Variants in MORC1 observed in about 807,000 individuals in gnomAD.
The protein encoded by MORC1 is MORC family CW-type zinc finger 1.
In MORC1, 59 loss-of-function variants were observed where a neutral mutation model predicts 134.9. That is an observed-to-expected ratio of 0.44 (90% CI 0.35 to 0.54). The LOEUF is 0.54. MORC1 is among the 20% of genes least tolerant of loss of function. MORC1 has a pLI of 0.00. For synonymous variants in MORC1, 395 were observed against 391.7 expected, an observed-to-expected ratio of 1.01 and a Z score of -0.10; for missense variants, 947 against 1,134.5, an observed-to-expected ratio of 0.83 and a Z score of 2.37.
At chr3:109,052,894 A>G (rs1949861254) in intron 14 of MORC1, among the ~76,000 whole-genome samples, 1 of 152,206 alleles carries the variant, frequency 6.6e-6, no homozygotes, top group African/African-American at 2.4e-5. Context: ...AATACCCAGA[A>G]TCTATAAGGA....
chr3:109,011,168 T>C (rs1370552745), intron 17 of MORC1, among the ~76,000 whole-genome samples: 1 of 152,192 alleles, frequency 6.6e-6, no homozygotes, highest in African/African-American at 2.4e-5. Flanking sequence ...TGAGCTATAA[T>C]TGTGCCACTG....
At chr3:109,099,572 A>C (rs1576742927) in intron 5 of MORC1, 106 bp from the exon 6 acceptor site, 4 of 812,278 alleles carry the variant, frequency 4.9e-6, no homozygotes, top group Middle Eastern at 3.4e-4. Context: ...TCTTTCCAAC[A>C]CTCTGTTCTG....
chr3:109,077,739 TA>T (rs1167355118), intron 8 of MORC1, among the ~76,000 whole-genome samples: 20 of 151,510 alleles, frequency 1.3e-4, no homozygotes, highest in African/African-American at 4.6e-4. Flanking sequence ...GCAAGGCAAA[TA>T]CAACGTATAA....
At chr3:109,005,694 T>C (rs2107534704) in intron 18 of MORC1, among the ~76,000 whole-genome samples, 1 of 152,316 alleles carries the variant, frequency 6.6e-6, no homozygotes, top group South Asian at 2.1e-4. Context: ...TGCTAGCTGC[T>C]ACTGCAGCCA....
At chr3:109,113,761 A>T (rs948860451) in intron 2 of MORC1, among the ~76,000 whole-genome samples, 1 of 147,324 alleles carries the variant, frequency 6.8e-6, no homozygotes, top group Non-Finnish European at 1.5e-5. Flanking sequence ...AATCATTAAT[A>T]CATTTATTAG....
At chr3:109,003,590 T>C (rs1948463040) in intron 20 of MORC1, among the ~76,000 whole-genome samples, 2 of 151,838 alleles carry the variant, frequency 1.3e-5, no homozygotes, top group African/African-American at 4.8e-5. Flanking sequence ...AGCTAATGAG[T>C]TTTTCTGGAA....
At position 109,015,028 on chromosome 3, in the gene MORC1, G is replaced by A. The variant is rs1948784228; in HGVS notation, c.1705-7937C>T. Reference sequence around the variant, plus strand: ...AGCCTCCCGAGTAGCTGGGGTTACAGGCACCTGCCACCACGCCCAGCTAAT... The same window carrying A: ...AGCCTCCCGAGTAGCTGGGGTTACAAGCACCTGCCACCACGCCCAGCTAAT... On this transcript the variant is annotated intron_variant, in intron 17 of 27. Coordinates refer to ENST00000232603, the MANE Select transcript of MORC1 (RefSeq NM_014429.4). Among the ~76,000 whole-genome samples the A allele has an allele frequency of 2.0e-5, 3 of 152,216 alleles. No homozygotes were observed. The South Asian group carries it at 6.2e-4, about 32-fold the overall frequency.
At chr3:109,096,332 T>C (rs2107769240) in intron 6 of MORC1, among the ~76,000 whole-genome samples, 1 of 152,230 alleles carries the variant, frequency 6.6e-6, no homozygotes, top group Non-Finnish European at 1.5e-5. Context: ...CAGGATGGGA[T>C]AGGAGGTGGG....
intron 10 of MORC1, 70 bp from the exon 11 acceptor site, chr3:109,062,128 A>T: frequency 7.3e-7 from 1 of 1,364,006 alleles, no homozygotes; most frequent in Non-Finnish European, 1.0e-6. Context: ...AGTATTTTCT[A>T]TACATGTAGC....
In MORC1 at chr3:109,035,468, T is replaced by G; in HGVS notation, c.1331A>C (p.Asn444Thr). Residue 444 changes from asparagine to threonine, a missense_variant and splice_region_variant, in exon 15 of 28, where the codon AAT becomes ACT. Physicochemically the swap from Asn to Thr is moderately conservative, Grantham distance 65. Coordinates refer to ENST00000232603, the MANE Select transcript of MORC1 (RefSeq NM_014429.4). ...GCAAAACAATGTTAAATTTCTATTA[T>G]CTTTTAAAAAAAAAAGCAGGCAAAG... ...LVQYCKDTGI[N>T]NRNLTLFCNE... 7.5e-7 allele frequency: 1 copy of G among 1,328,794 alleles called. No individual in the cohort carries two copies. The allele number at this position is 1,328,794 out of a possible 1,614,324, so 82.3% of individuals were successfully genotyped here.
intron 17 of MORC1, among the ~76,000 whole-genome samples, chr3:109,014,299 A>G (rs1430664827): frequency 5.9e-5 from 9 of 152,150 alleles, no homozygotes; most frequent in Non-Finnish European, 1.3e-4. Context: ...TAAACTCCCA[A>G]TTATTTGTTT....
rs750278891 is a variant in MORC1 at position 109,100,410 on chromosome 3, T to A, written c.314+7A>T. 2.5e-6 allele frequency: 4 copies of A among 1,603,702 alleles called. No homozygotes were observed. The highest frequency in any genetic ancestry group is 1.7e-4 in the Middle Eastern group (1 of 6,028). On this transcript the variant is annotated splice_region_variant and intron_variant, in intron 5 of 27. Transcript: ENST00000232603. The stretch of plus-strand genomic sequence containing the variant: ...AATATATGTCTTAAGGGAAAAAAAA[T>A]TCTCACCTTTTAAGACCATTGCCGT...
intron 17 of MORC1, among the ~76,000 whole-genome samples, chr3:109,008,347 G>A (rs1332072192): frequency 6.6e-6 from 1 of 151,912 alleles, no homozygotes; most frequent in Non-Finnish European, 1.5e-5. Flanking sequence ...TCTCCACCAG[G>A]CTTTTTGGTG....
intron 14 of MORC1, among the ~76,000 whole-genome samples, chr3:109,053,228 T>G (rs1010839140): frequency 5.3e-5 from 8 of 152,076 alleles, no homozygotes; most frequent in Admixed American, 5.2e-4. Flanking sequence ...CTTTAAAAAC[T>G]AAGATTTCAA....
At chr3:109,083,408 T>G (rs1445914361) in intron 8 of MORC1, among the ~76,000 whole-genome samples, 1 of 151,828 alleles carries the variant, frequency 6.6e-6, no homozygotes, top group Non-Finnish European at 1.5e-5. Flanking sequence ...AATCTACTCA[T>G]TATGCTAGTA....
At chr3:109,044,577 T>C (rs951246657) in intron 14 of MORC1, among the ~76,000 whole-genome samples, 1 of 147,538 alleles carries the variant, frequency 6.8e-6, no homozygotes. Flanking sequence ...AAGGAAATAC[T>C]GCAATAATTT....
chr3:108,997,128 T>C (rs967485168), intron 21 of MORC1, among the ~76,000 whole-genome samples: 5 of 150,644 alleles, frequency 3.3e-5, no homozygotes, highest in African/African-American at 9.8e-5. Flanking sequence ...ACTTGGAGCA[T>C]GTTAAATGGG....
intron 10 of MORC1, among the ~76,000 whole-genome samples, chr3:109,062,780 C>T (rs1950113006): frequency 6.6e-6 from 1 of 152,024 alleles, no homozygotes; most frequent in African/African-American, 2.4e-5. Flanking sequence ...AATAGAGACA[C>T]AGTCTCGCTA....
intron 17 of MORC1, among the ~76,000 whole-genome samples, chr3:109,013,643 T>C (rs1045475828): frequency 2.6e-5 from 4 of 152,206 alleles, no homozygotes; most frequent in Non-Finnish European, 4.4e-5. Context: ...ATTTCTCTTC[T>C]ATTCTTCCTG....
Sources: gnomAD v4.1 joint callset for allele counts (sites outside exome capture counted in the v4.1 genomes callset) on GRCh38, gnomAD v4.1.1 for gene constraint, MANE v1.5 for transcripts, NCBI Gene and HGNC (gene_info 2026-07-23, HGNC 2026-07-21) for gene names.